Variants in TSHR observed in about 807,000 individuals in gnomAD.
TSHR encodes the protein thyrotropin receptor.
A neutral mutation model predicts 64.1 loss-of-function variants in TSHR; 51 were observed. That is an observed-to-expected ratio of 0.80 (90% CI 0.64 to 1.01). The LOEUF is 1.01. Ranked by LOEUF, TSHR falls within the 50% of genes least tolerant of loss-of-function variation. The pLI is 0.00. For synonymous variants in TSHR, 361 were observed against 361.9 expected (o/e 1.00, Z 0.03); for missense variants, 877 against 942.8 (o/e 0.93, Z 0.91).
chr14:81,125,705 G>A (rs1890993501), intron 8 of TSHR, among the ~76,000 whole-genome samples: 1 of 152,050 alleles, frequency 6.6e-6, no homozygotes, highest in Non-Finnish European at 1.5e-5. Flanking sequence ...CAAAGCCAGG[G>A]GAGGCTTGCA....
At chr14:81,076,953 G>GT (rs1415904164) in intron 3 of TSHR, among the ~76,000 whole-genome samples, 2 of 152,148 alleles carry the variant, frequency 1.3e-5, no homozygotes, top group East Asian at 1.9e-4. Flanking sequence ...GTGTTCTTTG[G>GT]TTTTTTGAAC....
chr14:80,982,374 T>C, intron 1 of TSHR: 1 of 1,259,520 alleles, frequency 7.9e-7, no homozygotes, highest in Non-Finnish European at 1.1e-6. Flanking sequence ...GAGAAGAGGC[T>C]GGTAATCATT....
intron 1 of TSHR, among the ~76,000 whole-genome samples, chr14:81,026,385 C>T (rs557444449): frequency 1.1e-4 from 17 of 152,242 alleles, no homozygotes; most frequent in Middle Eastern, 6.8e-3. Context: ...AACATGCAAA[C>T]ATTACCCTGT....
At chr14:80,996,204 C>T (rs931336933) in intron 1 of TSHR, among the ~76,000 whole-genome samples, 21 of 152,136 alleles carry the variant, frequency 1.4e-4, no homozygotes, top group Admixed American at 1.1e-3. Context: ...GAGCCGTAAC[C>T]GGATCAATCA....
At position 81,103,492 on chromosome 14, in the gene TSHR, A is replaced by C; in HGVS notation, c.615-4883A>C. 1 of 985,472 alleles carries C rather than the reference A, an allele frequency of 1.0e-6. No homozygotes were observed. Among genetic ancestry groups the C allele is most frequent in the Non-Finnish European group, 1.2e-6 (1 of 829,944 alleles). The allele number at this position is 985,472 out of a possible 1,614,324, so 61.0% of individuals were successfully genotyped here. A position where few individuals can be genotyped will look rare whatever the true frequency, so the allele number is the denominator to read the frequency against. Reference sequence around the variant, plus strand: ...CTCATTTTTTAAAATGTAACTGAATAATACAATTACAGCCAAGCTGGACAA... The same window carrying C: ...CTCATTTTTTAAAATGTAACTGAATCATACAATTACAGCCAAGCTGGACAA... On this transcript the variant is annotated intron_variant, in intron 7 of 9. Transcript: ENST00000298171. This position sits in a 1 kb window ranked among gnomAD's most constrained non-coding sequence, Gnocchi z 4.1.
rs1279135603 is a variant in TSHR, at chr14:81,068,274, C to T, written c.263C>T (p.Thr88Ile). 6 of 1,612,976 alleles carry T rather than the reference C, an allele frequency of 3.7e-6. No individual in the cohort carries two copies. The East Asian group carries it at 1.1e-4, about 30-fold the overall frequency. ...ISRIYVSIDV[T>I]LQQLESHSFY... is the part of the protein sequence containing the mutation. ...TTCAGCTACGTATCTATAGATGTGA[C>T]TCTGCAGCAGCTGGAATCACACTCC... Residue 88 changes from threonine (T) to isoleucine (I), a missense_variant, in exon 3 of 10, where the codon ACT (threonine) becomes ATT (isoleucine). Thr to Ile is a moderately conservative substitution (Grantham distance 89). Coordinates refer to ENST00000298171, the MANE Select transcript of TSHR (RefSeq NM_000369.5).
intron 8 of TSHR, among the ~76,000 whole-genome samples, chr14:81,127,186 A>G (rs990697632): frequency 6.6e-6 from 1 of 152,248 alleles, no homozygotes; most frequent in Admixed American, 6.5e-5. Flanking sequence ...GTTCTTCCCA[A>G]GTAAATGTGG....
intron 8 of TSHR, among the ~76,000 whole-genome samples, chr14:81,124,657 A>T (rs1036504355): frequency 6.6e-6 from 1 of 152,110 alleles, no homozygotes; most frequent in Non-Finnish European, 1.5e-5. Context: ...CTCATTTTCT[A>T]TTCTCACCAG....
At chr14:80,973,178 G>T (rs994894874) in intron 1 of TSHR, among the ~76,000 whole-genome samples, 4 of 151,960 alleles carry the variant, frequency 2.6e-5, no homozygotes, top group Non-Finnish European at 5.9e-5. Context: ...GGCCGAGGAG[G>T]GCGGATCACG....
chr14:81,130,495 C>T (rs1891192317), intron 8 of TSHR, among the ~76,000 whole-genome samples: 1 of 152,214 alleles, frequency 6.6e-6, no homozygotes, highest in South Asian at 2.1e-4. Flanking sequence ...TTCCTTCCTA[C>T]TCTGTTTTTC....
Position 81,143,250 on chromosome 14 carries a change from T to C in TSHR, c.1192T>C (p.Cys398Arg), listed in dbSNP as rs746088246. Residue 398 changes from cysteine to arginine, a missense_variant, in exon 10 of 10, where the codon TGT becomes CGT. Physicochemically the swap from Cys to Arg is radical, Grantham distance 180. Coordinates refer to ENST00000298171, the MANE Select transcript of TSHR (RefSeq NM_000369.5). ...ATGTGGGGACAGTGAAGACATGGTG[T>C]GTACCCCCAAGTCCGATGAGTTCAA... Reference protein sequence around the residue: ...TICGDSEDMVCTPKSDEFNPC... With the variant: ...TICGDSEDMVRTPKSDEFNPC... 5 of 1,614,208 alleles carry C rather than the reference T, an allele frequency of 3.1e-6. No individual in the cohort carries two copies. Among genetic ancestry groups the C allele is most frequent in the South Asian group, 1.1e-5 (1 of 91,086 alleles).
chr14:81,056,842 A>G (rs1885844494), intron 1 of TSHR, among the ~76,000 whole-genome samples: 1 of 152,230 alleles, frequency 6.6e-6, no homozygotes, highest in Non-Finnish European at 1.5e-5. Context: ...TGTAGACATC[A>G]TATCACCTGA....
chr14:80,975,725 A>G (rs59431750), intron 1 of TSHR, among the ~76,000 whole-genome samples: 28,281 of 152,168 alleles, frequency 0.19, 3,252 homozygotes, highest in Admixed American at 0.28. Flanking sequence ...TCCTAAGTTG[A>G]ATGCTCAGTA....
rs187918503 is a variant in TSHR at position 81,074,264 on chromosome 14, T to C, written c.317+5936T>C. Among the ~76,000 whole-genome samples the C allele has an allele frequency of 3.2e-3, 487 of 152,320 alleles. 6 individuals are homozygous for C. Among genetic ancestry groups the C allele is most frequent in the African/African-American group, 0.011 (461 of 41,588 alleles). ...GATAATGCACCTTGTATTCTTCAAATGTTTCTAATATGTATCTGACATTAT... is the reference window on the plus strand; with the variant it reads ...GATAATGCACCTTGTATTCTTCAAACGTTTCTAATATGTATCTGACATTAT... On this transcript the variant is annotated intron_variant, in intron 3 of 9. Coordinates refer to ENST00000298171, the MANE Select transcript of TSHR (RefSeq NM_000369.5).
At chr14:81,066,834 T>C (rs1417916466) in intron 2 of TSHR, among the ~76,000 whole-genome samples, 2 of 152,192 alleles carry the variant, frequency 1.3e-5, no homozygotes, top group Non-Finnish European at 2.9e-5. Context: ...GCTATGGCTA[T>C]GGCTGGAAAC....
chr14:81,009,769 T>C (rs1889808935), intron 1 of TSHR, among the ~76,000 whole-genome samples: 1 of 152,112 alleles, frequency 6.6e-6, no homozygotes, highest in South Asian at 2.1e-4. Context: ...AATTTGTTTA[T>C]CCATTTCCCC....
chr14:81,117,554 C>CAA (rs377164019), intron 8 of TSHR, among the ~76,000 whole-genome samples: 19,425 of 113,258 alleles, frequency 0.17, 2,046 homozygotes, highest in East Asian at 0.31. Flanking sequence ...GCTTACCAAC[C>CAA]AAAGAGTCCA....
rs149835614 is a variant in TSHR at position 81,081,262 on chromosome 14, A to G, written c.318-6692A>G. ...TTTGTCATTATGTTATTTAAAATAT[A>G]TATGTATGTATGTATGTATATATAT... On this transcript the variant is annotated intron_variant, in intron 3 of 9. Transcript: ENST00000298171. Among the ~76,000 whole-genome samples, 671 of 152,290 alleles carry G rather than the reference A, an allele frequency of 4.4e-3. 8 individuals are homozygous for G. Among genetic ancestry groups the G allele is most frequent in the African/African-American group, 0.016 (658 of 41,558 alleles).
chr14:80,963,415 T>C (rs1448655098), intron 1 of TSHR, among the ~76,000 whole-genome samples: 1 of 152,196 alleles, frequency 6.6e-6, no homozygotes. Flanking sequence ...AAAATATCTT[T>C]TCTTTACCCA....
Sources: allele counts gnomAD v4.1 joint callset (sites outside exome capture counted in the v4.1 genomes callset), GRCh38; gene constraint gnomAD v4.1.1; non-coding constraint Gnocchi (gnomAD v3.1); transcripts MANE v1.5; gene names NCBI Gene and HGNC (gene_info 2026-07-23, HGNC 2026-07-21).